The following TMPRSS11A variants were observed in gnomAD, a reference collection of about 807,000 sequenced individuals.
TMPRSS11A encodes the protein transmembrane protease serine 11A.
TMPRSS11A carries 53 observed loss-of-function variants against 58.9 expected under a neutral mutation model. The ratio of observed to expected loss-of-function variants is 0.90; its 90% CI spans 0.72 to 1.13. The LOEUF (loss-of-function observed/expected upper bound fraction) is 1.13, where lower values mean the gene tolerates loss of function less well. TMPRSS11A is among the 50% of genes most tolerant of loss of function. The pLI, the probability that TMPRSS11A is intolerant of heterozygous loss-of-function variation, is 0.00. For missense variants in TMPRSS11A, 493 were observed against 499.3 expected, an observed-to-expected ratio of 0.99 and a Z score of 0.12; for synonymous variants, 167 against 169.8, an observed-to-expected ratio of 0.98 and a Z score of 0.13.
Position 67,931,987 on chromosome 4 carries a change from A to G in TMPRSS11A, c.320+6T>C. 2 of 1,578,820 alleles carry G rather than the reference A, an allele frequency of 1.3e-6. No individual in the cohort carries two copies. Among genetic ancestry groups the G allele is most frequent in the Non-Finnish European group, 1.7e-6 (2 of 1,148,488 alleles). On this transcript the variant is annotated splice_donor_region_variant and intron_variant, in intron 4 of 9. Transcript: ENST00000508048. ...TGTGATTCCACCTTTGCCCAAACAT[A>G]CATACGTCAGTCTGACTACTTGGTT...
intron 3 of TMPRSS11A, among the ~76,000 whole-genome samples, chr4:67,942,818 A>G (rs2109759375): frequency 6.6e-6 from 1 of 152,258 alleles, no homozygotes; most frequent in East Asian, 1.9e-4. Context: ...AATATGGAAG[A>G]TACACACTAT....
chr4:67,927,542 T>C (rs1720505564), intron 5 of TMPRSS11A, among the ~76,000 whole-genome samples: 1 of 152,174 alleles, frequency 6.6e-6, no homozygotes, highest in Non-Finnish European at 1.5e-5. Context: ...GCTCCATGCC[T>C]GGGTTGGCCT....
intron 4 of TMPRSS11A, among the ~76,000 whole-genome samples, chr4:67,931,160 G>GC (rs1468434572): frequency 1.3e-5 from 2 of 152,040 alleles, no homozygotes; most frequent in African/African-American, 4.8e-5. Flanking sequence ...GCATTTATAT[G>GC]CTTTTTCCCT....
chr4:67,926,976 C>A (rs1477619551), intron 5 of TMPRSS11A, among the ~76,000 whole-genome samples: 1 of 152,174 alleles, frequency 6.6e-6, no homozygotes, highest in Non-Finnish European at 1.5e-5. Flanking sequence ...GGAGCTTCTA[C>A]CTCCAGGGCC....
intron 5 of TMPRSS11A, among the ~76,000 whole-genome samples, chr4:67,927,483 T>A (rs573197963): frequency 6.2e-4 from 94 of 152,220 alleles, no homozygotes; most frequent in Non-Finnish European, 1.2e-4. Context: ...CCAGTGTGCC[T>A]GGCTGTGGGC....
intron 4 of TMPRSS11A, 90 bp downstream of exon 4, chr4:67,931,903 C>T (rs1720633342): frequency 2.6e-6 from 2 of 781,432 alleles, no homozygotes; most frequent in African/African-American, 3.4e-5. Flanking sequence ...AAGCCTAGTC[C>T]ATGGAGACAT....
chr4:67,923,629 C>G (rs900664659), intron 6 of TMPRSS11A, among the ~76,000 whole-genome samples: 2 of 152,160 alleles, frequency 1.3e-5, no homozygotes, highest in Non-Finnish European at 2.9e-5. Context: ...GCCTCAGCCT[C>G]CCAAGTAGCT....
chr4:67,943,544 A>G (rs925561772), intron 3 of TMPRSS11A, among the ~76,000 whole-genome samples: 1 of 152,160 alleles, frequency 6.6e-6, no homozygotes, highest in Non-Finnish European at 1.5e-5. Flanking sequence ...TCATCCTAGC[A>G]TAACTTAAGA....
intron 7 of TMPRSS11A, among the ~76,000 whole-genome samples, 185 bp downstream of exon 7, chr4:67,922,570 T>C (rs879318646): frequency 6.6e-6 from 1 of 152,248 alleles, no homozygotes; most frequent in Non-Finnish European, 1.5e-5. Context: ...GGATAATGAC[T>C]GTTACTTATT....
chr4:67,959,800 A>G (rs1259982875), intron 1 of TMPRSS11A, among the ~76,000 whole-genome samples: 4 of 152,226 alleles, frequency 2.6e-5, no homozygotes, highest in Non-Finnish European at 5.9e-5. Context: ...ACTATTTAAC[A>G]CAGCAATCCC....
intron 1 of TMPRSS11A, among the ~76,000 whole-genome samples, chr4:67,954,561 A>T (rs1721238698): frequency 6.6e-6 from 1 of 152,242 alleles, no homozygotes. Context: ...TCACCTTGAG[A>T]TATTAGCAAA....
intron 1 of TMPRSS11A, among the ~76,000 whole-genome samples, chr4:67,959,195 T>G (rs1560576405): frequency 6.6e-6 from 1 of 152,222 alleles, no homozygotes; most frequent in Non-Finnish European, 1.5e-5. Context: ...ATATTTCAAT[T>G]CATTGACTAT....
chr4:67,941,773 A>C (rs969165533), intron 3 of TMPRSS11A, among the ~76,000 whole-genome samples: 2 of 152,224 alleles, frequency 1.3e-5, no homozygotes, highest in Admixed American at 6.5e-5. Context: ...ATAAAACTAT[A>C]AGGTTAATAA....
intron 1 of TMPRSS11A, among the ~76,000 whole-genome samples, chr4:67,950,107 CTATT>C (rs1721123189): frequency 6.6e-6 from 1 of 152,174 alleles, no homozygotes; most frequent in Non-Finnish European, 1.5e-5. Flanking sequence ...AAAGCAACAC[CTATT>C]TATTAGCTCA....
intron 3 of TMPRSS11A, among the ~76,000 whole-genome samples, chr4:67,942,778 T>C (rs1020963059): frequency 1.3e-5 from 2 of 152,154 alleles, no homozygotes; most frequent in African/African-American, 4.8e-5. Flanking sequence ...GTCTGTTTAG[T>C]GTGGCATTTC....
chr4:67,927,877 T>C (rs1720514296), intron 5 of TMPRSS11A, among the ~76,000 whole-genome samples: 1 of 152,242 alleles, frequency 6.6e-6, no homozygotes, highest in Non-Finnish European at 1.5e-5. Flanking sequence ...TTTCACATTG[T>C]GTTTTCTATT....
chr4:67,946,386 A>G (rs538041749), intron 2 of TMPRSS11A, 64 bp downstream of exon 2: 1 of 1,498,876 alleles, frequency 6.7e-7, no homozygotes, highest in East Asian at 2.4e-5. Context: ...ACATTTACAT[A>G]TATGTAAATG....
intron 8 of TMPRSS11A, among the ~76,000 whole-genome samples, chr4:67,916,910 G>A (rs960991624): frequency 6.6e-6 from 1 of 152,142 alleles, no homozygotes; most frequent in Non-Finnish European, 1.5e-5. Flanking sequence ...TTGTAAGTAG[G>A]TGACAGTGCA....
chr4:67,958,495 G>T (rs1160001918), intron 1 of TMPRSS11A, among the ~76,000 whole-genome samples: 1 of 152,206 alleles, frequency 6.6e-6, no homozygotes, highest in Non-Finnish European at 1.5e-5. Context: ...GGGGCCTTTG[G>T]CCCCTTCATT....
Sources: gnomAD v4.1 joint callset for allele counts (sites outside exome capture counted in the v4.1 genomes callset) on GRCh38, gnomAD v4.1.1 for gene constraint, MANE v1.5 for transcripts, NCBI Gene and HGNC (gene_info 2026-07-23, HGNC 2026-07-21) for gene names.